Variants in DNAH6 observed in about 807,000 individuals in gnomAD.
DNAH6 encodes the protein axonemal beta dynein heavy chain 6.
Under a neutral mutation model 491.4 loss-of-function variants are expected in DNAH6, and 340 were observed. That is an observed-to-expected ratio of 0.69 (90% CI 0.63 to 0.76). The LOEUF (loss-of-function observed/expected upper bound fraction) is 0.76, where lower values mean the gene tolerates loss of function less well. Among genes scored for constraint, DNAH6 ranks in the 30% least tolerant of loss-of-function variants. The pLI is 0.00. For missense variants in DNAH6, 4,443 were observed against 4,972.2 expected, an observed-to-expected ratio of 0.89 and a Z score of 3.20; for synonymous variants, 1,603 against 1,686.1, an observed-to-expected ratio of 0.95 and a Z score of 1.21.
At chr2:84,775,653 G>A (rs757338554) in intron 64 of DNAH6, among the ~76,000 whole-genome samples, 5 of 152,020 alleles carry the variant, frequency 3.3e-5, no homozygotes, top group African/African-American at 9.7e-5. Context: ...GCTTTGCTTG[G>A]TAGGATTTTT....
intron 14 of DNAH6, among the ~76,000 whole-genome samples, chr2:84,582,236 G>C (rs1488371825): frequency 4.0e-4 from 61 of 152,146 alleles, no homozygotes; most frequent in Non-Finnish European, 1.5e-5. Flanking sequence ...GATAGAGCCA[G>C]GTCTTTACAA....
chr2:84,621,676 C>T (rs998061200), intron 26 of DNAH6, 125 bp downstream of exon 26: 5 of 555,872 alleles, frequency 9.0e-6, no homozygotes, highest in African/African-American at 7.5e-5. Context: ...TTTGTAATAG[C>T]TCTTACAAAG....
Position 84,658,436 on chromosome 2 carries a change from T to C in DNAH6, c.5902T>C (p.Ser1968Pro). ...KVTTLCCLLE[S>P]LILGKDGVNL... ...TACTACACTCTGTTGCTTATTGGAG[T>C]CCTTGATACTTGGGAAAGATGGAGT... The change falls in exon 36 of 77, where the codon TCC (serine) becomes CCC (proline). Residue 1968 changes from serine (S) to proline (P), a missense_variant. Coordinates refer to ENST00000389394, the MANE Select transcript of DNAH6 (RefSeq NM_001370.2). 1.3e-6 allele frequency: 2 copies of C among 1,532,158 alleles called. No homozygotes were observed. Among genetic ancestry groups the C allele is most frequent in the South Asian group, 1.3e-5 (1 of 79,708 alleles). The allele number at this position is 1,532,158 out of a possible 1,614,324, so 94.9% of individuals were successfully genotyped here.
At position 84,796,397 on chromosome 2, in the gene DNAH6, AG is replaced by A; in HGVS notation, c.11332del (p.Glu3778LysfsTer32). On this transcript the variant is annotated frameshift_variant, in exon 69 of 77. Transcript: ENST00000389394. LOFTEE classifies it high-confidence loss of function. ...AAAGATTTTTTTCTCCTGAAACATT[AG>A]AAGAAGATTATAAATACTCTGAATC... ...LKRFFSPETL[E>X]EDYKYSESGI... 6.5e-7 allele frequency: 1 copy of A among 1,528,816 alleles called. No homozygotes were observed. Among genetic ancestry groups the A allele is most frequent in the South Asian group, 1.2e-5 (1 of 80,474 alleles). The allele number at this position is 1,528,816 out of a possible 1,614,324, so 94.7% of individuals were successfully genotyped here.
chr2:84,662,559 GTGCC>G (rs1489983973), intron 37 of DNAH6, among the ~76,000 whole-genome samples: 3 of 152,210 alleles, frequency 2.0e-5, no homozygotes, highest in African/African-American at 4.8e-5. Context: ...TGGGGGAGGG[GTGCC>G]CACCATTGCT....
At chr2:84,815,262 A>T (rs1383032940) in intron 75 of DNAH6, among the ~76,000 whole-genome samples, 1 of 152,168 alleles carries the variant, frequency 6.6e-6, no homozygotes, top group Non-Finnish European at 1.5e-5. Flanking sequence ...TATTATCCAA[A>T]CAGCTTAGTC....
chr2:84,503,804 T>C, the DNAH6 span, among the ~76,000 whole-genome samples: 3 of 152,126 alleles, frequency 2.0e-5, no homozygotes, highest in Non-Finnish European at 4.4e-5. Flanking sequence ...ATTTGTTTCT[T>C]TACTGTTGTT....
chr2:84,792,528 T>G (rs1309178015), intron 68 of DNAH6, among the ~76,000 whole-genome samples: 2 of 152,166 alleles, frequency 1.3e-5, no homozygotes, highest in East Asian at 3.9e-4. Context: ...GTGCAGTTTT[T>G]TGGATACCAA....
At chr2:84,598,177 T>C (rs1317601392) in intron 18 of DNAH6, among the ~76,000 whole-genome samples, 1 of 75,454 alleles carries the variant, frequency 1.3e-5, no homozygotes, top group Non-Finnish European at 3.4e-5. Flanking sequence ...CTTTCTTTCT[T>C]TCTCTCTTTC....
chr2:84,583,423 C>T (rs1683235641), intron 14 of DNAH6, among the ~76,000 whole-genome samples: 1 of 152,200 alleles, frequency 6.6e-6, no homozygotes, highest in Non-Finnish European at 1.5e-5. Flanking sequence ...AAGAGCTCAG[C>T]TCTGAATAAT....
In DNAH6 at chr2:84,707,531, G is replaced by A. The variant is rs1235209255; in HGVS notation, c.8863G>A (p.Ala2955Thr). ...TAAAATTTTTCTAGCAAAGACCATG[G>A]CCCTGACAAAAGCACGTCTAGTACG... ...NEKESLAKTM[A>T]LTKARLVRAG... Residue 2955 changes from alanine (A) to threonine (T), a missense_variant, in exon 54 of 77, where the codon GCC becomes ACC. Transcript: ENST00000389394. 1.9e-6 allele frequency: 3 copies of A among 1,550,658 alleles called. No individual in the cohort carries two copies. The highest frequency in any genetic ancestry group is 1.4e-5 in the African/African-American group (1 of 73,024).
chr2:84,533,770 G>A (rs1573528272), intron 4 of DNAH6, among the ~76,000 whole-genome samples: 1 of 152,102 alleles, frequency 6.6e-6, no homozygotes, highest in South Asian at 2.1e-4. Context: ...ATAGCATAAT[G>A]TACTTATTGG....
At chr2:84,557,474 G>A (rs1377107766) in intron 10 of DNAH6, among the ~76,000 whole-genome samples, 11 of 150,282 alleles carry the variant, frequency 7.3e-5, no homozygotes, top group African/African-American at 2.2e-4. Flanking sequence ...GTGAAACCCC[G>A]TCTCTACTAA....
intron 37 of DNAH6, among the ~76,000 whole-genome samples, chr2:84,666,850 A>G (rs970097921): frequency 6.6e-6 from 1 of 152,174 alleles, no homozygotes; most frequent in African/African-American, 2.4e-5. Context: ...TTCAAACTAT[A>G]CTACAAGGCT....
chr2:84,643,757 G>T (rs192603048), intron 33 of DNAH6, among the ~76,000 whole-genome samples: 1 of 151,824 alleles, frequency 6.6e-6, no homozygotes, highest in Admixed American at 6.6e-5. Flanking sequence ...TGCTTATATT[G>T]CCCAGCTGTT....
intron 16 of DNAH6, among the ~76,000 whole-genome samples, chr2:84,590,512 A>G (rs1253788468): frequency 6.7e-6 from 1 of 149,574 alleles, no homozygotes; most frequent in Non-Finnish European, 1.5e-5. Flanking sequence ...AAAAAAAAAA[A>G]AAAAAAGCTA....
intron 18 of DNAH6, among the ~76,000 whole-genome samples, chr2:84,597,351 A>T (rs1684699522): frequency 6.6e-6 from 1 of 152,264 alleles, no homozygotes; most frequent in African/African-American, 2.4e-5. Context: ...ACATGAAAAG[A>T]TGCTGAACAC....
chr2:84,581,663 G>GGATTTAGCAATTTAAAAAACA (rs1163171203), intron 14 of DNAH6, among the ~76,000 whole-genome samples: 2 of 152,112 alleles, frequency 1.3e-5, no homozygotes, highest in Admixed American at 6.6e-5. Flanking sequence ...GACAAAAACA[G>GGATTTAGCAATTTAAAAAACA]GATTTAGCAA....
chr2:84,690,949 A>T (rs1371404527), intron 45 of DNAH6, among the ~76,000 whole-genome samples: 2 of 152,162 alleles, frequency 1.3e-5, no homozygotes, highest in African/African-American at 4.8e-5. Flanking sequence ...GGGGGGAAAA[A>T]TTTGCTTCAG....
Sources: gnomAD v4.1 joint callset for allele counts (sites outside exome capture counted in the v4.1 genomes callset) on GRCh38, gnomAD v4.1.1 for gene constraint, MANE v1.5 for transcripts, NCBI Gene and HGNC (gene_info 2026-07-23, HGNC 2026-07-21) for gene names.